The following GATA6 variants were observed in gnomAD, a reference collection of about 807,000 sequenced individuals.
The protein encoded by GATA6 is transcription factor GATA-6.
In GATA6, 11 loss-of-function variants were observed where a neutral mutation model predicts 48.1. The observed-to-expected ratio is 0.23, with a 90% CI of 0.14 to 0.38. The LOEUF is 0.38. Among genes scored for constraint, GATA6 ranks in the 10% least tolerant of loss-of-function variants. GATA6 has a pLI of 1.00. For missense variants in GATA6, 795 were observed against 850.3 expected (o/e 0.93, Z 0.81); for synonymous variants, 419 against 396.1 (o/e 1.06, Z -0.69).
At chr18:22,191,077 G>A (rs1225868458) in intron 6 of GATA6, among the ~76,000 whole-genome samples, 3 of 148,278 alleles carry the variant, frequency 2.0e-5, no homozygotes, top group Admixed American at 6.8e-5. Context: ...GTGTGTGACA[G>A]GGAGGATGGT....
intron 6 of GATA6, among the ~76,000 whole-genome samples, chr18:22,190,386 G>A (rs898184477): frequency 1.3e-5 from 2 of 152,110 alleles, no homozygotes; most frequent in African/African-American, 4.8e-5. Context: ...CTAATGCTGC[G>A]ATTTAAATCC....
At chr18:22,175,018 CT>C (rs2033102842) in intron 2 of GATA6, among the ~76,000 whole-genome samples, 1 of 152,082 alleles carries the variant, frequency 6.6e-6, no homozygotes, top group Non-Finnish European at 1.5e-5. Flanking sequence ...CCCTTCTCCC[CT>C]GAATCTATCA....
intron 6 of GATA6, among the ~76,000 whole-genome samples, chr18:22,190,247 TAAG>T (rs1434641416): frequency 6.6e-6 from 1 of 152,152 alleles, no homozygotes; most frequent in African/African-American, 2.4e-5. Flanking sequence ...GTAATGGTAC[TAAG>T]AATATGGCAG....
At chr18:22,183,819 C>T (rs1391234117) in intron 6 of GATA6, among the ~76,000 whole-genome samples, 12 of 152,210 alleles carry the variant, frequency 7.9e-5, no homozygotes, top group Admixed American at 7.9e-4. Flanking sequence ...ACTGGGCCTT[C>T]CCTCAGACGT....
intron 3 of GATA6, 96 bp downstream of exon 3, chr18:22,177,217 C>T: frequency 8.3e-7 from 1 of 1,201,434 alleles, no homozygotes; most frequent in Non-Finnish European, 1.1e-6. Flanking sequence ...TGGGCGTCCC[C>T]CTCCCAGGGG....
intron 3 of GATA6, chr18:22,180,036 T>C (rs112333227): frequency 2.9e-4 from 44 of 152,358 alleles, no homozygotes; most frequent in African/African-American, 1.0e-3. Context: ...CTTCATTCTT[T>C]ACAATTGATC....
At chr18:22,200,628 TCTC>T in intron 6 of GATA6, 25 bp from the exon 7 acceptor site, 1 of 1,614,150 alleles carries the variant, frequency 6.2e-7, no homozygotes, top group Non-Finnish European at 8.5e-7. Flanking sequence ...CCTTCTCGTC[TCTC>T]CTCTGTGTCC....
chr18:22,171,489 C>A lies in GATA6; in HGVS notation c.345C>A (p.Phe115Leu). ...CGAGCTGGGAGGACTTGCTGCTGTT[C>A]ACTGACCTCGACCAAGCCGCGACCG... The part of the protein sequence containing the change: ...NLSSWEDLLL[F>L]TDLDQAATAS... Residue 115 changes from phenylalanine (F) to leucine (L), a missense_variant, in exon 2 of 7, where the codon TTC becomes TTA. Transcript: ENST00000269216. This position sits in a 1 kb window ranked among gnomAD's most constrained non-coding sequence, Gnocchi z 7.1. 6.2e-7 allele frequency: 1 copy of A among 1,601,860 alleles called. No individual in the cohort carries two copies. The highest frequency in any genetic ancestry group is 8.5e-7 in the Non-Finnish European group (1 of 1,179,582).
At chr18:22,198,217 T>G (rs8090509) in intron 6 of GATA6, among the ~76,000 whole-genome samples, 42,064 of 151,964 alleles carry the variant, frequency 0.28, 6,070 homozygotes, top group Non-Finnish European at 0.32. Context: ...CCCAAATAGC[T>G]GGGACTACAT....
intron 2 of GATA6, among the ~76,000 whole-genome samples, chr18:22,173,525 A>G (rs1040395935): frequency 4.6e-5 from 7 of 152,196 alleles, no homozygotes; most frequent in African/African-American, 1.7e-4. Flanking sequence ...TTAGGATAAA[A>G]TGGGACATTC....
In GATA6 at chr18:22,172,417, A is replaced by G; in HGVS notation, c.1135+138A>G. ...CGCGGAGGTCGGCCTGGTCCCAGGA[A>G]GGATTTGCAGGCCTGTGGCTGGGTA... is the stretch of plus-strand genomic sequence containing the variant. On this transcript the variant is annotated intron_variant, in intron 2 of 6. Coordinates refer to ENST00000269216, the MANE Select transcript of GATA6 (RefSeq NM_005257.6). The surrounding 1 kb of genome is among the most constrained non-coding windows in gnomAD (Gnocchi z 5.2). The G allele has an allele frequency of 7.1e-7, 1 of 1,409,928 alleles. No individual in the cohort carries two copies. Among genetic ancestry groups the G allele is most frequent in the Non-Finnish European group, 9.3e-7 (1 of 1,072,024 alleles). The allele number at this position is 1,409,928 out of a possible 1,614,324, so 87.3% of individuals were successfully genotyped here.
At chr18:22,195,772 A>T (rs2033381812) in intron 6 of GATA6, among the ~76,000 whole-genome samples, 1 of 152,050 alleles carries the variant, frequency 6.6e-6, no homozygotes, top group Admixed American at 6.6e-5. Context: ...TTGCTCCATG[A>T]TCTTATTATT....
chr18:22,200,978 T>A lies in GATA6; in HGVS notation c.*155T>A. 1 of 928,036 alleles carries A rather than the reference T, an allele frequency of 1.1e-6. No individual in the cohort carries two copies. Among genetic ancestry groups the A allele is most frequent in the Non-Finnish European group, 1.6e-6 (1 of 626,652 alleles). The allele number at this position is 928,036 out of a possible 1,614,324, so 57.5% of individuals were successfully genotyped here. On this transcript the variant is annotated 3_prime_UTR_variant, in exon 7 of 7. Coordinates refer to ENST00000269216, the MANE Select transcript of GATA6 (RefSeq NM_005257.6). ...GAGATGTTTTTCCCAAGAGGCTTGC[T>A]GAAAGAGTGAGAGAAGATGGAAGGG...
intron 6 of GATA6, 69 bp from the exon 7 acceptor site, chr18:22,200,587 A>T: frequency 3.1e-6 from 5 of 1,593,818 alleles, no homozygotes; most frequent in Non-Finnish European, 4.3e-6. Flanking sequence ...GCTCCCATGT[A>T]TTTCACTACC....
chr18:22,174,464 ATCT>A (rs2033096203), intron 2 of GATA6, among the ~76,000 whole-genome samples: 1 of 152,096 alleles, frequency 6.6e-6, no homozygotes, highest in Non-Finnish European at 1.5e-5. Context: ...TAATTTTTTC[ATCT>A]TCTGGGCACA....
At position 22,172,112 on chromosome 18, in the gene GATA6, A is replaced by AC. The variant is rs2143278298; in HGVS notation, c.970dup (p.His324ProfsTer139). On this transcript the variant is annotated frameshift_variant, in exon 2 of 7. Transcript: ENST00000269216. LOFTEE classifies it high-confidence loss of function. This position sits in a 1 kb window ranked among gnomAD's most constrained non-coding sequence, Gnocchi z 5.2. ...GCCGCGCGGCCGCTGAACGGGACGTACCACCACCACCACCACCACCACCAC... is the reference window on the plus strand; with the variant it reads ...GCCGCGCGGCCGCTGAACGGGACGTACCCACCACCACCACCACCACCACCAC... The AC allele has an allele frequency of 8.9e-7, 1 of 1,117,662 alleles. No individual in the cohort carries two copies. Among genetic ancestry groups the AC allele is most frequent in the Non-Finnish European group, 1.1e-6 (1 of 880,690 alleles). The allele number at this position is 1,117,662 out of a possible 1,614,324, so 69.2% of individuals were successfully genotyped here.
In GATA6 at chr18:22,185,296, G is replaced by C. The variant is rs904746842; in HGVS notation, c.1620+2253G>C. Among the ~76,000 whole-genome samples the C allele has an allele frequency of 6.6e-6, 1 of 152,210 alleles. No homozygotes were observed. The highest frequency in any genetic ancestry group is 2.4e-5 in the African/African-American group (1 of 41,458). ...GAGGAAAGATCAGTTCCCCACCAGAGGCCAGGAGGCAAAGCAACAAGGATG... is the reference window on the plus strand; with the variant it reads ...GAGGAAAGATCAGTTCCCCACCAGACGCCAGGAGGCAAAGCAACAAGGATG... On this transcript the variant is annotated intron_variant, in intron 6 of 6. Transcript: ENST00000269216. This position sits in a 1 kb window ranked among gnomAD's most constrained non-coding sequence, Gnocchi z 4.3.
intron 6 of GATA6, among the ~76,000 whole-genome samples, chr18:22,187,853 GAAAA>G (rs113587081): frequency 2.7e-5 from 4 of 150,912 alleles, no homozygotes; most frequent in African/African-American, 9.7e-5. Context: ...CAGAAAAAAA[GAAAA>G]AAAAATTAGC....
In GATA6 at chr18:22,196,768, GAA is replaced by G. The variant is rs986828774; in HGVS notation, c.1621-3886_1621-3885del. ...AAAATAAAAAATAAAATAAAAAAGA[GAA>G]AGAGTCATGAGACTTTTGAATGGCT... On this transcript the variant is annotated intron_variant, in intron 6 of 6. Coordinates refer to ENST00000269216, the MANE Select transcript of GATA6 (RefSeq NM_005257.6). 5.9e-5 allele frequency among the ~76,000 whole-genome samples: 9 copies of G among 152,148 alleles called. No homozygotes were observed. In the East Asian group the frequency reaches 1.5e-3, roughly 26 times the overall value.
Sources: allele counts gnomAD v4.1 joint callset (sites outside exome capture counted in the v4.1 genomes callset), GRCh38; gene constraint gnomAD v4.1.1; non-coding constraint Gnocchi (gnomAD v3.1); transcripts MANE v1.5; gene names NCBI Gene and HGNC (gene_info 2026-07-23, HGNC 2026-07-21).